The following STK33 variants were observed in gnomAD, a reference collection of about 807,000 sequenced individuals.
STK33 encodes the protein serine/threonine-protein kinase 33.
Under a neutral mutation model 58.0 loss-of-function variants are expected in STK33, and 52 were observed. The observed-to-expected ratio is 0.90, with a 90% CI of 0.72 to 1.13. The LOEUF is 1.13. STK33 is among the 50% of genes most tolerant of loss of function. STK33 has a pLI of 0.00. For missense variants in STK33, 630 were observed against 604.2 expected, an observed-to-expected ratio of 1.04 and a Z score of -0.45; for synonymous variants, 215 against 200.1, an observed-to-expected ratio of 1.07 and a Z score of -0.63.
chr11:8,481,220 A>G (rs1949770342), intron 1 of STK33, among the ~76,000 whole-genome samples: 1 of 152,224 alleles, frequency 6.6e-6, no homozygotes, highest in East Asian at 1.9e-4. Flanking sequence ...TTCCCCTTAT[A>G]GCCAGACCTC....
At chr11:8,572,465 G>A (rs1327041732) in intron 1 of STK33, among the ~76,000 whole-genome samples, 2 of 151,978 alleles carry the variant, frequency 1.3e-5, no homozygotes, top group East Asian at 3.9e-4. Context: ...TAAAATCTGC[G>A]AAAATATGCC....
At chr11:8,396,195 C>T (rs1322904918) in intron 15 of STK33, among the ~76,000 whole-genome samples, 1 of 152,136 alleles carries the variant, frequency 6.6e-6, no homozygotes, top group Non-Finnish European at 1.5e-5. Flanking sequence ...CCTCCGCCTC[C>T]CGGGTTCAAG....
At chr11:8,584,432 C>T (rs971039006) in intron 1 of STK33, among the ~76,000 whole-genome samples, 1 of 152,180 alleles carries the variant, frequency 6.6e-6, no homozygotes, top group African/African-American at 2.4e-5. Context: ...AGGATGGCTG[C>T]TCAACAAGAC....
At chr11:8,356,219 A>AC in the STK33 span, among the ~76,000 whole-genome samples, 529 of 152,308 alleles carry the variant, frequency 3.5e-3, 3 homozygotes, top group African/African-American at 0.011. Flanking sequence ...TATGAAGCTC[A>AC]CCCCAGTGGG....
At chr11:8,454,708 T>C in intron 10 of STK33, 36 bp downstream of exon 10, 1 of 1,544,612 alleles carries the variant, frequency 6.5e-7, no homozygotes, top group Non-Finnish European at 8.8e-7. Context: ...ATCAAACTGT[T>C]TACAGGCAAA....
At chr11:8,564,059 C>T (rs925160305) in intron 1 of STK33, among the ~76,000 whole-genome samples, 9 of 152,126 alleles carry the variant, frequency 5.9e-5, no homozygotes, top group African/African-American at 1.9e-4. Context: ...CAAATAAACA[C>T]TTTTTCAGGA....
At chr11:8,407,688 G>T (rs965002426) in intron 15 of STK33, among the ~76,000 whole-genome samples, 8 of 150,682 alleles carry the variant, frequency 5.3e-5, no homozygotes, top group African/African-American at 2.0e-4. Flanking sequence ...GAAAAAAAAA[G>T]ATTAAAAAAT....
intron 9 of STK33, among the ~76,000 whole-genome samples, chr11:8,455,168 C>T (rs935035676): frequency 2.0e-5 from 3 of 152,288 alleles, no homozygotes; most frequent in African/African-American, 7.2e-5. Context: ...ACAAACCCAG[C>T]CAGGTTTCCC....
At chr11:8,351,471 G>A in the STK33 span, among the ~76,000 whole-genome samples, 1 of 152,260 alleles carries the variant, frequency 6.6e-6, no homozygotes, top group African/African-American at 2.4e-5. Context: ...TAGGGCAGCC[G>A]GGGCTCTGCA....
At chr11:8,549,498 G>T (rs1956163557) in intron 1 of STK33, among the ~76,000 whole-genome samples, 1 of 151,718 alleles carries the variant, frequency 6.6e-6, no homozygotes, top group Admixed American at 6.6e-5. Flanking sequence ...AGTGATGCTA[G>T]CCTTGTAGAA....
chr11:8,392,512 A>T lies in STK33; in HGVS notation c.1543T>A (p.Ter515LysextTer16). The change falls in exon 16 of 16, where the codon TAA becomes AAA. Residue 515 changes from the stop codon to lysine, a stop_lost. Coordinates refer to ENST00000687296, the MANE Select transcript of STK33 (RefSeq NM_001352389.2). ...GALSRTKKKL[*>K] ...ACTGTCCAACACTGGAGGGAACCTT[A>T]GAGTTTCTTTTTGGTTCTGGACAGG... 6.2e-7 allele frequency: 1 copy of T among 1,614,132 alleles called. No homozygotes were observed. The highest frequency in any genetic ancestry group is 8.5e-7 in the Non-Finnish European group (1 of 1,180,018).
At position 8,461,925 on chromosome 11, in the gene STK33, A is replaced by C; in HGVS notation, c.454-16T>G. On this transcript the variant is annotated splice_polypyrimidine_tract_variant and intron_variant, in intron 7 of 15. Transcript: ENST00000687296. ...AGCTTCCAGCCTTAATCAATGAAGA[A>C]ACACAGATTTCACATAATGAAAATC... is the stretch of plus-strand genomic sequence containing the variant. 1 of 1,554,366 alleles carries C rather than the reference A, an allele frequency of 6.4e-7. No individual in the cohort carries two copies. Among genetic ancestry groups the C allele is most frequent in the South Asian group, 1.2e-5 (1 of 82,146 alleles).
At chr11:8,361,910 C>T in the STK33 span, among the ~76,000 whole-genome samples, 2 of 152,240 alleles carry the variant, frequency 1.3e-5, no homozygotes, top group African/African-American at 4.8e-5. The surrounding 1 kb of genome is among the most constrained non-coding windows in gnomAD (Gnocchi z 4.8). Context: ...CCCATGGCCA[C>T]CCTCTCACAT....
intron 1 of STK33, among the ~76,000 whole-genome samples, chr11:8,485,202 A>G (rs1191026863): frequency 1.3e-5 from 2 of 152,228 alleles, no homozygotes; most frequent in African/African-American, 2.4e-5. Context: ...AGTAGAGGTT[A>G]TAAGTTTATA....
chr11:8,589,818 A>T (rs2032308682), intron 1 of STK33, among the ~76,000 whole-genome samples: 1 of 152,210 alleles, frequency 6.6e-6, no homozygotes, highest in Admixed American at 6.5e-5. Context: ...AAAAATATTG[A>T]ATTTTATTGC....
rs962428337 is a variant in STK33 at position 8,566,335 on chromosome 11, A to G, written c.-466+27748T>C. The stretch of plus-strand genomic sequence containing the variant: ...TAGGCTACTTTTTAAACAATCTTAG[A>G]CCCACATTGTCTTAAAATTATCAGA... On this transcript the variant is annotated intron_variant, in intron 1 of 15. Transcript: ENST00000687296. Among the ~76,000 whole-genome samples, 9 of 152,186 alleles carry G rather than the reference A, an allele frequency of 5.9e-5. No individual in the cohort carries two copies. The East Asian group carries it at 9.6e-4, about 16-fold the overall frequency.
At chr11:8,343,500 GAGCACC>G in the STK33 span, among the ~76,000 whole-genome samples, 3 of 152,166 alleles carry the variant, frequency 2.0e-5, no homozygotes, top group Non-Finnish European at 4.4e-5. Context: ...CTGTCCCTGT[GAGCACC>G]AGACCACATA....
At position 8,479,474 on chromosome 11, in the gene STK33, C is replaced by A. The variant is rs186756197; in HGVS notation, c.-261+936G>T. Among the ~76,000 whole-genome samples the A allele has an allele frequency of 2.5e-3, 374 of 150,836 alleles. 1 individual carries two copies. The highest frequency in any genetic ancestry group is 2.5e-3 in the Non-Finnish European group (171 of 67,828). ...GAGAACAGAAATTGCAGTTTAGAGA[C>A]AGTGGATAAACCAGGAAACCCTCTC... On this transcript the variant is annotated intron_variant, in intron 2 of 15. Coordinates refer to ENST00000687296, the MANE Select transcript of STK33 (RefSeq NM_001352389.2).
chr11:8,528,789 C>T (rs1954270432), intron 1 of STK33, among the ~76,000 whole-genome samples: 1 of 152,150 alleles, frequency 6.6e-6, no homozygotes, highest in Non-Finnish European at 1.5e-5. Flanking sequence ...CTGGAGTATA[C>T]AGTGCCAGTA....
Sources: gnomAD v4.1 joint callset for allele counts (sites outside exome capture counted in the v4.1 genomes callset) on GRCh38, gnomAD v4.1.1 for gene constraint, Gnocchi (gnomAD v3.1) non-coding constraint, MANE v1.5 for transcripts, NCBI Gene and HGNC (gene_info 2026-07-23, HGNC 2026-07-21) for gene names.